The following ERG variants were observed in gnomAD, a reference collection of about 807,000 sequenced individuals.
ERG encodes ETS transcription factor ERG.
ERG carries 9 observed loss-of-function variants against 55.3 expected under a neutral mutation model. The ratio of observed to expected loss-of-function variants is 0.16; its 90% CI spans 0.10 to 0.28. The LOEUF is 0.28. Ranked by LOEUF, ERG falls within the 10% of genes least tolerant of loss-of-function variation. The pLI is 1.00. For missense variants in ERG, 434 were observed against 631.6 expected (o/e 0.69, Z 3.35); for synonymous variants, 223 against 237.3 (o/e 0.94, Z 0.55).
chr21:38,644,075 CT>C (rs1194440708), intron 1 of ERG, among the ~76,000 whole-genome samples: 2 of 151,562 alleles, frequency 1.3e-5, no homozygotes, highest in African/African-American at 4.9e-5. Context: ...TTCATAGCCA[CT>C]TTTTCCCCTC....
rs994440216 is a variant in ERG, at chr21:38,498,388, T to C, written c.-8A>G. On this transcript the variant is annotated 5_prime_UTR_variant, in exon 1 of 10. Transcript: ENST00000288319. The surrounding 1 kb of genome is among the most constrained non-coding windows in gnomAD (Gnocchi z 4.6). ...CTTAATAGTGCTGGCCATAATGCGATCAAGTTTATTGATCGTTAATAAATG... is the reference window on the plus strand; with the variant it reads ...CTTAATAGTGCTGGCCATAATGCGACCAAGTTTATTGATCGTTAATAAATG... 7 of 1,601,142 alleles carry C rather than the reference T, an allele frequency of 4.4e-6. No individual in the cohort carries two copies. The African/African-American group carries it at 9.4e-5, about 22-fold the overall frequency.
chr21:38,375,140 G>C (rs1245159245), downstream of ERG, among the ~76,000 whole-genome samples: 1 of 152,134 alleles, frequency 6.6e-6, no homozygotes, highest in Non-Finnish European at 1.5e-5. Context: ...TTCAAGGAAG[G>C]CTGAGTACTT....
chr21:38,407,645 T>TACA, intron 3 of ERG, among the ~76,000 whole-genome samples: 1 of 144,430 alleles, frequency 6.9e-6, no homozygotes, highest in African/African-American at 2.6e-5. Context: ...TATATATATA[T>TACA]TTAATGTATA....
At position 38,507,642 on chromosome 21, in the gene ERG, G is replaced by A. The variant is rs866312862; in HGVS notation, c.-41+68020C>T. Reference sequence around the variant, plus strand: ...GCTAGTCCAGGAGAGCCCTTCAAGAGCCCAGAGTTCGACTTGAACTTGGGA... The same window carrying A: ...GCTAGTCCAGGAGAGCCCTTCAAGAACCCAGAGTTCGACTTGAACTTGGGA... On this transcript the variant is annotated intron_variant, in intron 2 of 8. Coordinates refer to the ERG transcript ENST00000398897. Among the ~76,000 whole-genome samples the A allele has an allele frequency of 2.5e-3, 378 of 152,298 alleles. 1 individual carries two copies. The highest frequency in any genetic ancestry group is 8.8e-3 in the African/African-American group (364 of 41,558).
chr21:38,627,957 T>TTTG (rs71184636), intron 1 of ERG, among the ~76,000 whole-genome samples: 3 of 151,162 alleles, frequency 2.0e-5, no homozygotes, highest in Admixed American at 1.3e-4. Flanking sequence ...TTTTTTTTTT[T>TTTG]GTGAAACAGG....
chr21:38,499,747 G>A (rs1406722304), upstream of ERG, among the ~76,000 whole-genome samples: 2 of 150,434 alleles, frequency 1.3e-5, no homozygotes, highest in South Asian at 2.1e-4. Context: ...AGAGGAAGGA[G>A]AGGAGGAGGA....
chr21:38,446,028 C>T (rs569380227), intron 1 of ERG, among the ~76,000 whole-genome samples: 3 of 151,876 alleles, frequency 2.0e-5, no homozygotes, highest in Admixed American at 6.6e-5. Context: ...AATCTGAAGG[C>T]CAACACCTAA....
intron 1 of ERG, among the ~76,000 whole-genome samples, chr21:38,459,293 T>C (rs1178154076): frequency 6.6e-6 from 1 of 152,218 alleles, no homozygotes; most frequent in Non-Finnish European, 1.5e-5. Flanking sequence ...GGATGATAAT[T>C]ATCAGCTCAA....
downstream of ERG, among the ~76,000 whole-genome samples, chr21:38,375,519 T>A (rs572750019): frequency 1.8e-4 from 28 of 152,308 alleles, no homozygotes; most frequent in African/African-American, 6.7e-4. Context: ...TGCTCCCCAC[T>A]GATTTTATCT....
intron 1 of ERG, among the ~76,000 whole-genome samples, chr21:38,473,016 G>T (rs1172350033): frequency 6.6e-6 from 1 of 152,208 alleles, no homozygotes; most frequent in Non-Finnish European, 1.5e-5. Flanking sequence ...GCAGGCAGCA[G>T]GCACTGCGGG....
At chr21:38,630,067 A>G (rs538241617) in intron 1 of ERG, among the ~76,000 whole-genome samples, 1 of 152,276 alleles carries the variant, frequency 6.6e-6, no homozygotes, top group Non-Finnish European at 1.5e-5. Context: ...GTTCACAGGG[A>G]CAGAAAGGAG....
chr21:38,527,851 CT>C (rs5843915), intron 2 of ERG, among the ~76,000 whole-genome samples: 73,868 of 152,020 alleles, frequency 0.49, 19,060 homozygotes, highest in African/African-American at 0.67. Flanking sequence ...TTAGGCACAA[CT>C]GTGGATCTCA....
At chr21:38,640,148 A>C (rs1402690409) in intron 1 of ERG, among the ~76,000 whole-genome samples, 2 of 152,224 alleles carry the variant, frequency 1.3e-5, no homozygotes, top group East Asian at 1.9e-4. Flanking sequence ...ATGAAAAATC[A>C]ATTGAAAATC....
chr21:38,468,474 T>C (rs1017943663), intron 1 of ERG, among the ~76,000 whole-genome samples: 1 of 152,240 alleles, frequency 6.6e-6, no homozygotes, highest in East Asian at 1.9e-4. Flanking sequence ...ATCCTAAAGA[T>C]TTTTTTCCTT....
intron 2 of ERG, among the ~76,000 whole-genome samples, chr21:38,571,357 A>T (rs531075372): frequency 6.6e-6 from 1 of 152,018 alleles, no homozygotes; most frequent in South Asian, 2.1e-4. Context: ...CAAAAAAAAT[A>T]AAAATTAGCT....
chr21:38,567,913 T>C (rs1374324483), intron 2 of ERG, among the ~76,000 whole-genome samples: 2 of 152,214 alleles, frequency 1.3e-5, no homozygotes, highest in African/African-American at 4.8e-5. Context: ...ACGCTGCTAC[T>C]TCTGAAACTG....
In ERG at chr21:38,381,484, TG is replaced by T. The variant is rs1987434324; in HGVS notation, c.*1918del. ...CCAAGCCACAGTGCCCAGGTAACTC[TG>T]ATGTAGCAGGACTAAAGCTGTCTAC... On this transcript the variant is annotated 3_prime_UTR_variant, in exon 10 of 10. Coordinates refer to ENST00000288319, the MANE Select transcript of ERG (RefSeq NM_182918.4). 3 of 1,063,444 alleles carry T rather than the reference TG, an allele frequency of 2.8e-6. No individual in the cohort carries two copies. In the South Asian group the frequency reaches 1.4e-4, roughly 48 times the overall value. 65.9% of individuals were successfully genotyped at this position (1,063,444 alleles called of 1,614,324 possible).
At chr21:38,434,287 C>G (rs539025857) in intron 2 of ERG, among the ~76,000 whole-genome samples, 2 of 152,162 alleles carry the variant, frequency 1.3e-5, no homozygotes, top group Non-Finnish European at 2.9e-5. Flanking sequence ...GCTCTGTGCT[C>G]AAAGACCACA....
the ERG span, among the ~76,000 whole-genome samples, chr21:38,373,435 T>C: frequency 6.6e-6 from 1 of 152,214 alleles, no homozygotes; most frequent in Non-Finnish European, 1.5e-5. Flanking sequence ...ATGCCTACAA[T>C]AGGCATATTT....
Sources: allele counts gnomAD v4.1 joint callset (sites outside exome capture counted in the v4.1 genomes callset), GRCh38; gene constraint gnomAD v4.1.1; non-coding constraint Gnocchi (gnomAD v3.1); transcripts MANE v1.5; gene names NCBI Gene and HGNC (gene_info 2026-07-23, HGNC 2026-07-21).